The following PRKCE variants were observed in gnomAD, a reference collection of about 807,000 sequenced individuals.
PRKCE encodes the protein protein kinase C epsilon type.
Under a neutral mutation model 85.4 loss-of-function variants are expected in PRKCE, and 16 were observed. That is an observed-to-expected ratio of 0.19 (90% CI 0.13 to 0.28). PRKCE has a LOEUF of 0.28. Ranked by LOEUF, PRKCE falls within the 10% of genes least tolerant of loss-of-function variation. The pLI is 1.00. For synonymous variants in PRKCE, 388 were observed against 371.5 expected, an observed-to-expected ratio of 1.04 and a Z score of -0.51; for missense variants, 573 against 975.2, an observed-to-expected ratio of 0.59 and a Z score of 5.49.
chr2:46,151,178 C>G lies in PRKCE; in HGVS notation c.1869C>G (p.Asp623Glu), dbSNP rs754958846. The G allele has an allele frequency of 1.3e-6, 2 of 1,599,478 alleles. No homozygotes were observed. Among genetic ancestry groups the G allele is most frequent in the South Asian group, 2.2e-5 (2 of 91,066 alleles). Residue 623 changes from aspartate (D) to glutamate (E), a missense_variant, in exon 13 of 15, where the codon GAC (aspartate) becomes GAG (glutamate). Around this residue, in one of 11 missense-constraint regions of PRKCE, gnomAD observed 72 missense variants for 166.0 expected, o/e 0.43. Transcript: ENST00000306156. ...DDLFESILHD[D>E]VLYPVWLSKE... The stretch of plus-strand genomic sequence containing the variant: ...TATTTGAGTCCATCCTCCATGACGA[C>G]GTGCTGTACCCAGTCTGGCTCAGCA...
intron 1 of PRKCE, among the ~76,000 whole-genome samples, chr2:45,696,781 C>A (rs936415934): frequency 6.6e-6 from 1 of 152,134 alleles, no homozygotes; most frequent in Non-Finnish European, 1.5e-5. Flanking sequence ...GGCCACCATG[C>A]GGCCTCTCAT....
At chr2:46,119,577 T>C (rs3768751) in intron 11 of PRKCE, among the ~76,000 whole-genome samples, 52,723 of 152,118 alleles carry the variant, frequency 0.35, 10,793 homozygotes, top group African/African-American at 0.58. Flanking sequence ...GAGTTTTTAG[T>C]GTAGTGCCTC....
intron 2 of PRKCE, among the ~76,000 whole-genome samples, chr2:45,961,078 G>A (rs1701343989): frequency 6.6e-6 from 1 of 152,190 alleles, no homozygotes; most frequent in African/African-American, 2.4e-5. Context: ...GCTCTCAGGA[G>A]CTAAGTCAGC....
At chr2:45,740,434 G>A (rs1028815242) in intron 1 of PRKCE, among the ~76,000 whole-genome samples, 2 of 152,144 alleles carry the variant, frequency 1.3e-5, no homozygotes, top group Non-Finnish European at 2.9e-5. Context: ...GAGAGGAAAA[G>A]TCTGGCATTC....
intron 11 of PRKCE, among the ~76,000 whole-genome samples, chr2:46,136,097 C>T (rs946399206): frequency 6.6e-6 from 1 of 152,084 alleles, no homozygotes; most frequent in Non-Finnish European, 1.5e-5. Flanking sequence ...AGGGCCTGCT[C>T]TAGGACATGA....
At chr2:46,065,516 C>G (rs1667555103) in intron 10 of PRKCE, among the ~76,000 whole-genome samples, 1 of 152,078 alleles carries the variant, frequency 6.6e-6, no homozygotes, top group South Asian at 2.1e-4. Flanking sequence ...ATTTGTTGTT[C>G]TTCTCATCTG....
rs900308324 is a variant in PRKCE, at chr2:45,951,450, C to T, written c.413-24979C>T. ...CTCTGACTTCCTCACTGAGACTAGG[C>T]AGTATGTATGTGTCCATGGCCCCCA... On this transcript the variant is annotated intron_variant, in intron 2 of 14. Transcript: ENST00000306156. 3.3e-5 allele frequency among the ~76,000 whole-genome samples: 5 copies of T among 152,296 alleles called. No homozygotes were observed. In the South Asian group the frequency reaches 6.2e-4, roughly 19 times the overall value.
At chr2:45,824,007 A>G (rs1689742078) in intron 1 of PRKCE, among the ~76,000 whole-genome samples, 1 of 152,134 alleles carries the variant, frequency 6.6e-6, no homozygotes, top group African/African-American at 2.4e-5. Flanking sequence ...CACTGCAGGG[A>G]GGTTGGCAGG....
chr2:45,935,271 G>T, intron 2 of PRKCE, among the ~76,000 whole-genome samples: 1 of 152,028 alleles, frequency 6.6e-6, no homozygotes, highest in East Asian at 1.9e-4. Flanking sequence ...TCTTTTCTTT[G>T]CATGATTCTC....
At chr2:45,887,811 C>T (rs1339729244) in intron 2 of PRKCE, among the ~76,000 whole-genome samples, 2 of 152,202 alleles carry the variant, frequency 1.3e-5, no homozygotes, top group African/African-American at 4.8e-5. Context: ...GAGCAAATGG[C>T]AGCTACTGCC....
At chr2:45,728,768 G>A (rs1345576562) in intron 1 of PRKCE, among the ~76,000 whole-genome samples, 2 of 152,212 alleles carry the variant, frequency 1.3e-5, no homozygotes, top group African/African-American at 4.8e-5. Context: ...CCTGTGCTGA[G>A]TGCTTTTCAT....
chr2:45,665,409 G>A (rs1347408887), intron 1 of PRKCE, among the ~76,000 whole-genome samples: 1 of 152,154 alleles, frequency 6.6e-6, no homozygotes, highest in East Asian at 1.9e-4. Context: ...GTCATCTTTT[G>A]CAGTTTGTTG....
chr2:45,750,228 G>T (rs1261081428), intron 1 of PRKCE, among the ~76,000 whole-genome samples: 2 of 152,190 alleles, frequency 1.3e-5, no homozygotes, highest in African/African-American at 4.8e-5. Flanking sequence ...TCTATTGCCA[G>T]AATATTTTTA....
At chr2:45,857,247 T>G (rs1031639847) in intron 2 of PRKCE, among the ~76,000 whole-genome samples, 1 of 152,250 alleles carries the variant, frequency 6.6e-6, no homozygotes, top group African/African-American at 2.4e-5. Context: ...GAGTGAAAGT[T>G]GAATAATTCA....
At chr2:45,870,504 G>T (rs528113055) in intron 2 of PRKCE, among the ~76,000 whole-genome samples, 1 of 152,330 alleles carries the variant, frequency 6.6e-6, no homozygotes, top group Admixed American at 6.5e-5. Flanking sequence ...TTTAATGAAA[G>T]AATTCACATT....
At chr2:46,178,739 C>T (rs1444099482) in intron 14 of PRKCE, among the ~76,000 whole-genome samples, 1 of 152,130 alleles carries the variant, frequency 6.6e-6, no homozygotes, top group African/African-American at 2.4e-5. Context: ...TGGGATTTGG[C>T]TGTTATAGTG....
At chr2:45,920,302 C>G (rs1408128170) in intron 2 of PRKCE, among the ~76,000 whole-genome samples, 1 of 152,218 alleles carries the variant, frequency 6.6e-6, no homozygotes, top group African/African-American at 2.4e-5. Flanking sequence ...ACTGCCCACT[C>G]AGTAACCCAA....
chr2:45,901,873 G>C (rs1696605433), intron 2 of PRKCE, among the ~76,000 whole-genome samples: 1 of 152,160 alleles, frequency 6.6e-6, no homozygotes, highest in Admixed American at 6.5e-5. Context: ...AGTCCAGCCA[G>C]GTGCGGTAAA....
intron 1 of PRKCE, among the ~76,000 whole-genome samples, chr2:45,757,058 C>T (rs74449116): frequency 0.1 from 15,866 of 151,990 alleles, 937 homozygotes; most frequent in Middle Eastern, 0.22. Context: ...TGAGATCAGT[C>T]TGGCCAACAT....
Sources: allele counts gnomAD v4.1 joint callset (sites outside exome capture counted in the v4.1 genomes callset), GRCh38; gene constraint gnomAD v4.1.1; regional missense constraint gnomAD v4.1.1; transcripts MANE v1.5; gene names NCBI Gene and HGNC (gene_info 2026-07-23, HGNC 2026-07-21).